The following PTPRD variants were observed in gnomAD, a reference collection of about 807,000 sequenced individuals.
The protein encoded by PTPRD is receptor-type tyrosine-protein phosphatase delta.
Under a neutral mutation model 214.5 loss-of-function variants are expected in PTPRD, and 34 were observed. The observed-to-expected ratio is 0.16, with a 90% CI of 0.12 to 0.21. The LOEUF is 0.21. PTPRD is among the 10% of genes least tolerant of loss of function. The probability of loss-of-function intolerance (pLI) is 1.00; values close to 1 mark genes in which losing one functional copy is unlikely to be tolerated. For synonymous variants in PTPRD, 1,128 were observed against 845.7 expected (o/e 1.33, Z -5.79); for missense variants, 2,545 against 2,398.7 (o/e 1.06, Z -1.27).
intron 5 of PTPRD, among the ~76,000 whole-genome samples, chr9:9,856,108 T>G (rs2061504556): frequency 6.6e-6 from 1 of 152,118 alleles, no homozygotes. Context: ...GGTGGGTAGG[T>G]AATCTTCACC....
At chr9:8,375,685 GTTTA>G (rs1442537545) in intron 39 of PTPRD, among the ~76,000 whole-genome samples, 1 of 151,986 alleles carries the variant, frequency 6.6e-6, no homozygotes, top group Non-Finnish European at 1.5e-5. Context: ...TTAATTTTGT[GTTTA>G]TTTATTTCTC....
intron 11 of PTPRD, among the ~76,000 whole-genome samples, chr9:8,925,100 G>T (rs887889161): frequency 5.9e-5 from 9 of 152,134 alleles, no homozygotes; most frequent in Admixed American, 2.0e-4. Flanking sequence ...ACTCTCCCAG[G>T]TTTCTGTCCT....
chr9:9,414,624 T>C lies in PTPRD; in HGVS notation c.-236-17142A>G, dbSNP rs548504948. On this transcript the variant is annotated intron_variant, in intron 8 of 45. Coordinates refer to ENST00000381196, the MANE Select transcript of PTPRD (RefSeq NM_002839.4). ...CATCTTCATCATCTCTTAGATACAC[T>C]GTGTTGCAAGATTAGAACCATCATA... The C allele has an allele frequency of 3.9e-4, 60 of 152,288 alleles. 1 individual carries two copies. Among genetic ancestry groups the C allele is most frequent in the African/African-American group, 1.3e-3 (55 of 41,580 alleles). The allele number at this position is 152,288 out of a possible 1,614,324, so 9.4% of individuals were successfully genotyped here. A position where few individuals can be genotyped will look rare whatever the true frequency, so the allele number is the denominator to read the frequency against.
chr9:10,375,192 A>G (rs997170558), intron 2 of PTPRD, among the ~76,000 whole-genome samples: 3 of 152,192 alleles, frequency 2.0e-5, no homozygotes, highest in East Asian at 3.9e-4. Context: ...GCAAGTAACT[A>G]AATTTCTAAG....
intron 4 of PTPRD, among the ~76,000 whole-genome samples, chr9:9,966,108 T>C (rs1442776402): frequency 6.6e-6 from 1 of 151,938 alleles, no homozygotes; most frequent in Non-Finnish European, 1.5e-5. Flanking sequence ...TCGACTCTAC[T>C]GGCTTTCGGT....
chr9:9,078,327 T>C (rs2099754071), intron 10 of PTPRD, among the ~76,000 whole-genome samples: 1 of 152,122 alleles, frequency 6.6e-6, no homozygotes, highest in African/African-American at 2.4e-5. Flanking sequence ...TGGCCCATCC[T>C]TAATTATATC....
At chr9:9,736,454 G>T (rs564815413) in intron 6 of PTPRD, among the ~76,000 whole-genome samples, 2 of 152,086 alleles carry the variant, frequency 1.3e-5, no homozygotes, top group South Asian at 4.1e-4. Context: ...TATGTGGATT[G>T]TTTCCACTTT....
chr9:10,337,355 T>C (rs1440362518), intron 3 of PTPRD, among the ~76,000 whole-genome samples: 1 of 151,746 alleles, frequency 6.6e-6, no homozygotes, highest in Non-Finnish European at 1.5e-5. Flanking sequence ...TAGCACACTT[T>C]GCTCTTCCTG....
chr9:8,971,150 C>T (rs1446640197), intron 11 of PTPRD, among the ~76,000 whole-genome samples: 3 of 151,572 alleles, frequency 2.0e-5, no homozygotes, highest in African/African-American at 2.4e-5. Context: ...TAATTTTCAA[C>T]GAACATTTTA....
intron 30 of PTPRD, among the ~76,000 whole-genome samples, chr9:8,481,139 CAAAAAAAAAA>C (rs34451513): frequency 4.8e-3 from 189 of 39,474 alleles, no homozygotes; most frequent in Non-Finnish European, 7.1e-3. Context: ...GACTCCGTCT[CAAAAAAAAAA>C]AAAAAAAAAA....
chr9:10,533,704 A>C (rs542555907), intron 2 of PTPRD, among the ~76,000 whole-genome samples: 2 of 151,986 alleles, frequency 1.3e-5, no homozygotes, highest in East Asian at 1.9e-4. Flanking sequence ...AATTATATAG[A>C]TATCAGGGAA....
chr9:9,329,883 C>T (rs895664422), intron 9 of PTPRD, among the ~76,000 whole-genome samples: 2 of 152,150 alleles, frequency 1.3e-5, no homozygotes, highest in African/African-American at 4.8e-5. Context: ...TCTACATAAG[C>T]CAATTCCCTC....
chr9:9,813,353 G>T (rs891792932), intron 5 of PTPRD, among the ~76,000 whole-genome samples: 3 of 148,034 alleles, frequency 2.0e-5, no homozygotes, highest in African/African-American at 7.7e-5. Flanking sequence ...ACAAAACTGA[G>T]AGTTTCTAAA....
rs532151887 is a variant in PTPRD, at chr9:8,368,462, T to C, written c.4661+7474A>G. On this transcript the variant is annotated intron_variant, in intron 39 of 45. Transcript: ENST00000381196. ...TCAGTTGCCCTTGAAGGAACCTTCA[T>C]CAAATAGACCTGATATATGATTTTG... 4.6e-5 allele frequency among the ~76,000 whole-genome samples: 7 copies of C among 152,238 alleles called. No homozygotes were observed. The South Asian group carries it at 1.2e-3, about 27-fold the overall frequency.
At chr9:8,513,788 T>G (rs996441029) in intron 21 of PTPRD, among the ~76,000 whole-genome samples, 24 of 152,242 alleles carry the variant, frequency 1.6e-4, no homozygotes, top group Non-Finnish European at 2.9e-4. Context: ...AGGTGTCCAC[T>G]AATATCCACT....
In PTPRD at chr9:8,518,419, T is replaced by A. The variant is rs2138598811; in HGVS notation, c.972A>T (p.Lys324Asn). 1 of 1,603,484 alleles carries A rather than the reference T, an allele frequency of 6.2e-7. No individual in the cohort carries two copies. Among genetic ancestry groups the A allele is most frequent in the Non-Finnish European group, 8.5e-7 (1 of 1,175,508 alleles). ...CGGTCACTACAGGAGTTCCTGGAGG[T>A]TTGGGTAAGGCTTGGATGGGGGAAG... ...IAQITVKALP[K>N]PPGTPVVTES... Residue 324 changes from lysine to asparagine, a missense_variant, in exon 21 of 46, where the codon AAA (lysine) becomes AAT (asparagine). Transcript: ENST00000381196.
intron 11 of PTPRD, among the ~76,000 whole-genome samples, chr9:9,008,330 T>C (rs976459617): frequency 2.0e-5 from 3 of 151,586 alleles, no homozygotes; most frequent in Non-Finnish European, 2.9e-5. Context: ...CCAGTTCATG[T>C]CACTCTCCTG....
intron 9 of PTPRD, among the ~76,000 whole-genome samples, chr9:9,335,682 C>CT (rs1279863584): frequency 6.6e-6 from 1 of 152,020 alleles, no homozygotes; most frequent in Non-Finnish European, 1.5e-5. Context: ...TCTTTCTTTA[C>CT]TTTTTTATTC....
chr9:9,889,136 A>C (rs2153768289), intron 5 of PTPRD, among the ~76,000 whole-genome samples: 1 of 152,160 alleles, frequency 6.6e-6, no homozygotes, highest in South Asian at 2.1e-4. Flanking sequence ...TGGTGGAGGA[A>C]GTTGGGGAGA....
Sources: gnomAD v4.1 joint callset for allele counts (sites outside exome capture counted in the v4.1 genomes callset) on GRCh38, gnomAD v4.1.1 for gene constraint, MANE v1.5 for transcripts, NCBI Gene and HGNC (gene_info 2026-07-23, HGNC 2026-07-21) for gene names.